C12orf54: variants seen among roughly 807,000 people sequenced by gnomAD.
C12orf54 encodes uncharacterized protein C12orf54.
A neutral mutation model predicts 26.4 loss-of-function variants in C12orf54; 24 were observed. The observed-to-expected ratio is 0.91, with a 90% CI of 0.66 to 1.28. The LOEUF is 1.28. C12orf54 is among the 50% of genes most tolerant of loss of function. The pLI is 0.00. For missense variants in C12orf54, 154 were observed against 150.9 expected, an observed-to-expected ratio of 1.02 and a Z score of -0.11; for synonymous variants, 54 against 47.0, an observed-to-expected ratio of 1.15 and a Z score of -0.61.
At chr12:48,475,615 C>T in the C12orf54 span, among the ~76,000 whole-genome samples, 1 of 152,180 alleles carries the variant, frequency 6.6e-6, no homozygotes, top group Admixed American at 6.5e-5. Flanking sequence ...GCCTCACTAG[C>T]TGATGCGATC....
chr12:48,473,010 G>A, the C12orf54 span: 3 of 1,613,894 alleles, frequency 1.9e-6, no homozygotes, highest in South Asian at 1.1e-5. Context: ...AGAAAACCTC[G>A]AGAGCTTAGA....
the C12orf54 span, among the ~76,000 whole-genome samples, chr12:48,441,154 T>G: frequency 1.3e-5 from 2 of 152,212 alleles, no homozygotes; most frequent in African/African-American, 4.8e-5. Flanking sequence ...CAGTGCCTGA[T>G]AGGATGCAAA....
At chr12:48,419,169 A>G in the C12orf54 span, among the ~76,000 whole-genome samples, 195 of 152,296 alleles carry the variant, frequency 1.3e-3, no homozygotes, top group Non-Finnish European at 2.2e-3. Context: ...GCTTCCCTGA[A>G]GTTTCATTAC....
At chr12:48,478,511 C>A (rs1053120016), upstream of C12orf54, among the ~76,000 whole-genome samples, 2 of 152,120 alleles carry the variant, frequency 1.3e-5, no homozygotes, top group South Asian at 2.1e-4. Context: ...ATCATCTCAG[C>A]CCAAAATCTC....
chr12:48,448,454 T>C, the C12orf54 span, among the ~76,000 whole-genome samples: 4 of 152,258 alleles, frequency 2.6e-5, no homozygotes, highest in African/African-American at 9.6e-5. Flanking sequence ...AATTCATTCA[T>C]TTAATTGTTA....
upstream of C12orf54, among the ~76,000 whole-genome samples, chr12:48,480,116 C>T (rs1209370341): frequency 2.6e-5 from 4 of 152,134 alleles, no homozygotes; most frequent in African/African-American, 4.8e-5. Flanking sequence ...TTACCAAAAA[C>T]ACAAATATCC....
the C12orf54 span, among the ~76,000 whole-genome samples, chr12:48,417,907 C>T: frequency 5.3e-5 from 8 of 152,202 alleles, no homozygotes; most frequent in African/African-American, 1.9e-4. Context: ...CTACAAACAA[C>T]ATGATCTCAT....
the C12orf54 span, among the ~76,000 whole-genome samples, chr12:48,461,093 C>T: frequency 6.6e-6 from 1 of 151,906 alleles, no homozygotes; most frequent in Non-Finnish European, 1.5e-5. Flanking sequence ...TCCGTGCTGA[C>T]ACTAATCAAA....
chr12:48,444,579 T>G, the C12orf54 span, among the ~76,000 whole-genome samples: 11 of 152,250 alleles, frequency 7.2e-5, no homozygotes, highest in East Asian at 5.8e-4. Context: ...AGAAAAATAC[T>G]GCGTTAGCAT....
the C12orf54 span, among the ~76,000 whole-genome samples, chr12:48,434,218 G>T: frequency 1.3e-5 from 2 of 152,328 alleles, no homozygotes; most frequent in Admixed American, 1.3e-4. Flanking sequence ...CTGGGGGAGG[G>T]GCGCCCGCCA....
chr12:48,458,032 G>A, the C12orf54 span, among the ~76,000 whole-genome samples: 1 of 152,208 alleles, frequency 6.6e-6, no homozygotes, highest in African/African-American at 2.4e-5. Context: ...AATTGCTGAA[G>A]GCAAGGGTGG....
At chr12:48,433,616 T>G in the C12orf54 span, among the ~76,000 whole-genome samples, 31 of 152,056 alleles carry the variant, frequency 2.0e-4, no homozygotes, top group Admixed American at 1.8e-3. Flanking sequence ...CCTGGCTAAT[T>G]TTTTGTATTT....
upstream of C12orf54, among the ~76,000 whole-genome samples, chr12:48,481,216 A>C (rs1295341422): frequency 6.6e-6 from 1 of 151,848 alleles, no homozygotes; most frequent in Non-Finnish European, 1.5e-5. Context: ...TTTTTAAAAA[A>C]AATGACTTTT....
chr12:48,477,400 G>A, the C12orf54 span, among the ~76,000 whole-genome samples: 9 of 152,158 alleles, frequency 5.9e-5, no homozygotes, highest in Non-Finnish European at 1.2e-4. Flanking sequence ...AAAGATCAGA[G>A]CAGAACTGAA....
chr12:48,431,841 T>C, the C12orf54 span, among the ~76,000 whole-genome samples: 1 of 152,260 alleles, frequency 6.6e-6, no homozygotes, highest in African/African-American at 2.4e-5. Flanking sequence ...TGACTACCCA[T>C]AGGTGTGAGA....
the C12orf54 span, among the ~76,000 whole-genome samples, chr12:48,454,376 G>A: frequency 6.6e-6 from 1 of 152,096 alleles, no homozygotes; most frequent in Non-Finnish European, 1.5e-5. Flanking sequence ...TGGGATTACA[G>A]ACTTGAGCCA....
At chr12:48,469,757 C>T in the C12orf54 span, among the ~76,000 whole-genome samples, 1 of 152,108 alleles carries the variant, frequency 6.6e-6, no homozygotes. Context: ...ATTTGGGGAA[C>T]TAACAAATGT....
At chr12:48,415,748 C>G in the C12orf54 span, among the ~76,000 whole-genome samples, 1 of 152,106 alleles carries the variant, frequency 6.6e-6, no homozygotes, top group African/African-American at 2.4e-5. Flanking sequence ...CCATACACCC[C>G]ATATATTAGC....
chr12:48,434,744 C>T, the C12orf54 span, among the ~76,000 whole-genome samples: 1 of 152,146 alleles, frequency 6.6e-6, no homozygotes, highest in Non-Finnish European at 1.5e-5. Context: ...AGGACATCCA[C>T]ACCAAAAACC....
Sources: allele counts gnomAD v4.1 joint callset (sites outside exome capture counted in the v4.1 genomes callset), GRCh38; gene constraint gnomAD v4.1.1; transcripts MANE v1.5; gene names NCBI Gene and HGNC (gene_info 2026-07-23, HGNC 2026-07-21).